The following CELF4 variants were observed in gnomAD, a reference collection of about 807,000 sequenced individuals.
The protein encoded by CELF4 is CUGBP Elav-like family member 4.
Under a neutral mutation model 59.9 loss-of-function variants are expected in CELF4, and 18 were observed. That is an observed-to-expected ratio of 0.30 (90% CI 0.21 to 0.45). The LOEUF is 0.45. Among genes scored for constraint, CELF4 ranks in the 20% least tolerant of loss-of-function variants. The probability of loss-of-function intolerance (pLI) is 1.00; values close to 1 mark genes in which losing one functional copy is unlikely to be tolerated. For missense variants in CELF4, 456 were observed against 689.0 expected (o/e 0.66, Z 3.79); for synonymous variants, 261 against 267.1 (o/e 0.98, Z 0.22).
chr18:37,288,456 A>C (rs1326019738), intron 3 of CELF4, among the ~76,000 whole-genome samples: 1 of 152,206 alleles, frequency 6.6e-6, no homozygotes, highest in Non-Finnish European at 1.5e-5. Flanking sequence ...GACCACTTTA[A>C]CCTTATGAAG....
chr18:37,470,887 T>TGTGAGA (rs1325788685), intron 2 of CELF4, among the ~76,000 whole-genome samples: 1 of 71,922 alleles, frequency 1.4e-5, no homozygotes, highest in Admixed American at 1.8e-4. Flanking sequence ...TGTGTGTGTG[T>TGTGAGA]GACAGAGAGA....
intron 1 of CELF4, among the ~76,000 whole-genome samples, chr18:37,564,143 A>C (rs957384651): frequency 6.6e-6 from 1 of 152,112 alleles, no homozygotes; most frequent in Non-Finnish European, 1.5e-5. Flanking sequence ...TTTATTAAAA[A>C]CGGAACATCC....
chr18:37,350,100 G>A (rs1319816953), intron 2 of CELF4, among the ~76,000 whole-genome samples: 5 of 152,146 alleles, frequency 3.3e-5, no homozygotes, highest in Non-Finnish European at 5.9e-5. Context: ...AGATAGAGGA[G>A]CAAGAATCCA....
At chr18:37,546,898 C>A (rs2099981582) in intron 1 of CELF4, among the ~76,000 whole-genome samples, 1 of 152,168 alleles carries the variant, frequency 6.6e-6, no homozygotes, top group South Asian at 2.1e-4. Flanking sequence ...GCAACACATG[C>A]AGTACCTCCA....
chr18:37,393,890 A>C (rs1432146822), intron 2 of CELF4, among the ~76,000 whole-genome samples: 1 of 148,030 alleles, frequency 6.8e-6, no homozygotes, highest in Non-Finnish European at 1.5e-5. Context: ...AGCAACACCA[A>C]TAATTCCAAC....
chr18:37,383,916 C>A (rs911315748), intron 2 of CELF4, among the ~76,000 whole-genome samples: 3 of 152,170 alleles, frequency 2.0e-5, no homozygotes, highest in African/African-American at 7.2e-5. Flanking sequence ...CCTAAATCCA[C>A]CATGTCTGCC....
chr18:37,353,874 A>C (rs533685259), intron 2 of CELF4, among the ~76,000 whole-genome samples: 225 of 148,434 alleles, frequency 1.5e-3, no homozygotes, highest in African/African-American at 5.4e-3. Flanking sequence ...CTCCTGCCTC[A>C]GCCTCCCAAG....
At chr18:37,363,703 C>T (rs2098738970) in intron 2 of CELF4, among the ~76,000 whole-genome samples, 2 of 152,228 alleles carry the variant, frequency 1.3e-5, no homozygotes, top group African/African-American at 2.4e-5. Flanking sequence ...AGCATGGCTT[C>T]TTCATAACTG....
intron 9 of CELF4, among the ~76,000 whole-genome samples, chr18:37,265,712 C>T (rs1278445259): frequency 1.3e-5 from 2 of 152,144 alleles, no homozygotes; most frequent in African/African-American, 4.8e-5. Flanking sequence ...GCTCAGGGGA[C>T]CCAAGAGGTG....
chr18:37,501,891 T>G (rs970747654), intron 1 of CELF4, among the ~76,000 whole-genome samples: 8 of 152,216 alleles, frequency 5.3e-5, no homozygotes, highest in African/African-American at 1.7e-4. Context: ...ATTCCTCTCT[T>G]TCTCTCTCCA....
At position 37,274,434 on chromosome 18, in the gene CELF4, C is replaced by T. The variant is rs1251920227; in HGVS notation, c.678G>A (p.Val226=). The change falls in exon 6 of 13, where the codon GTG becomes GTA. Residue 226 remains valine, a synonymous_variant. Transcript: ENST00000420428. ...QTMPGASSSL[V]VKFADTDKER... The stretch of plus-strand genomic sequence containing the variant: ...CCTTGTCGGTGTCGGCGAACTTGAC[C>T]ACCAGACTGGACGAGGCTCCCTGCG... 1 of 1,613,176 alleles carries T rather than the reference C, an allele frequency of 6.2e-7. No homozygotes were observed. The highest frequency in any genetic ancestry group is 1.3e-5 in the African/African-American group (1 of 74,942).
intron 2 of CELF4, among the ~76,000 whole-genome samples, chr18:37,408,062 C>T (rs1032658013): frequency 1.3e-5 from 2 of 152,168 alleles, no homozygotes; most frequent in African/African-American, 4.8e-5. Context: ...GGCTGGGATG[C>T]AGCTGGAAGG....
intron 1 of CELF4, among the ~76,000 whole-genome samples, chr18:37,535,764 G>A (rs947891822): frequency 6.6e-6 from 1 of 152,200 alleles, no homozygotes; most frequent in Non-Finnish European, 1.5e-5. Flanking sequence ...GCATGCTCAG[G>A]TGAGCCCTGC....
intron 3 of CELF4, among the ~76,000 whole-genome samples, chr18:37,321,263 C>T (rs963809313): frequency 6.6e-6 from 1 of 152,188 alleles, no homozygotes; most frequent in African/African-American, 2.4e-5. Flanking sequence ...CTAGGACAAG[C>T]GTCTGTGGAG....
intron 2 of CELF4, among the ~76,000 whole-genome samples, chr18:37,329,436 C>A (rs1237984072): frequency 6.6e-6 from 1 of 152,340 alleles, no homozygotes; most frequent in Middle Eastern, 3.4e-3. Flanking sequence ...AGTCCTAACC[C>A]ACAGTGGACA....
intron 2 of CELF4, among the ~76,000 whole-genome samples, chr18:37,414,061 C>T (rs760949642): frequency 5.3e-5 from 8 of 152,222 alleles, no homozygotes; most frequent in Admixed American, 1.3e-4. Context: ...GTCATTGACA[C>T]TTCCTTTCTG....
At chr18:37,565,273 C>T (rs927387203) in intron 1 of CELF4, 83 bp downstream of exon 1, 1 of 1,437,840 alleles carries the variant, frequency 7.0e-7, no homozygotes, top group Non-Finnish European at 9.3e-7. Context: ...CTTAGTCCGC[C>T]GCTCGTCAGT....
chr18:37,276,117 G>A (rs942105150), intron 3 of CELF4: 4 of 152,156 alleles, frequency 2.6e-5, no homozygotes, highest in Admixed American at 6.5e-5. Flanking sequence ...TGCAAAATTC[G>A]ACCCTGGACA....
At chr18:37,556,372 C>T (rs577983924) in intron 1 of CELF4, among the ~76,000 whole-genome samples, 5 of 152,358 alleles carry the variant, frequency 3.3e-5, no homozygotes, top group Admixed American at 3.3e-4. Context: ...GGGAAGTTTA[C>T]TGAGCTCAGG....
Sources: gnomAD v4.1 joint callset for allele counts (sites outside exome capture counted in the v4.1 genomes callset) on GRCh38, gnomAD v4.1.1 for gene constraint, MANE v1.5 for transcripts, NCBI Gene and HGNC (gene_info 2026-07-23, HGNC 2026-07-21) for gene names.